Variants in PPARGC1A observed in about 807,000 individuals in gnomAD.
PPARGC1A encodes the protein peroxisome proliferator-activated receptor gamma coactivator 1-alpha.
Under a neutral mutation model 88.7 loss-of-function variants are expected in PPARGC1A, and 25 were observed. That is an observed-to-expected ratio of 0.28 (90% confidence interval 0.21 to 0.39). PPARGC1A has a LOEUF of 0.39. Ranked by LOEUF, PPARGC1A falls within the 10% of genes least tolerant of loss-of-function variation. PPARGC1A has a pLI of 1.00. For synonymous variants in PPARGC1A, 363 were observed against 355.6 expected, an observed-to-expected ratio of 1.02 and a Z score of -0.24; for missense variants, 880 against 968.7, an observed-to-expected ratio of 0.91 and a Z score of 1.22.
the PPARGC1A span, among the ~76,000 whole-genome samples, chr4:23,925,850 G>A: frequency 2.7e-4 from 39 of 144,682 alleles, no homozygotes; most frequent in African/African-American, 4.3e-4. Flanking sequence ...GAGAGAGAGA[G>A]AAAAAAATTT....
At chr4:24,440,147 C>T in the PPARGC1A span, among the ~76,000 whole-genome samples, 1 of 152,196 alleles carries the variant, frequency 6.6e-6, no homozygotes, top group Non-Finnish European at 1.5e-5. Flanking sequence ...TATTGTTGTT[C>T]TGAACTGTTA....
intron 2 of PPARGC1A, among the ~76,000 whole-genome samples, chr4:23,842,548 C>T (rs1051940282): frequency 6.6e-6 from 1 of 152,094 alleles, no homozygotes; most frequent in Non-Finnish European, 1.5e-5. Context: ...TTCTGGGCTG[C>T]AGCACTGTTG....
chr4:24,061,026 C>T, the PPARGC1A span, among the ~76,000 whole-genome samples: 1 of 151,728 alleles, frequency 6.6e-6, no homozygotes, highest in Admixed American at 6.6e-5. Context: ...CATTATTATC[C>T]TCATGGCATA....
At chr4:24,334,516 A>C in the PPARGC1A span, among the ~76,000 whole-genome samples, 1 of 152,202 alleles carries the variant, frequency 6.6e-6, no homozygotes, top group Non-Finnish European at 1.5e-5. Flanking sequence ...CACTTAGCAC[A>C]TGGTTGTGTT....
chr4:23,941,277 T>G, the PPARGC1A span, among the ~76,000 whole-genome samples: 1 of 152,214 alleles, frequency 6.6e-6, no homozygotes. Flanking sequence ...AGGCTGGTTT[T>G]GAACTCCTGG....
chr4:24,082,372 C>T, the PPARGC1A span, among the ~76,000 whole-genome samples: 171 of 152,164 alleles, frequency 1.1e-3, 2 homozygotes, highest in Middle Eastern at 3.4e-3. Context: ...GATCCTAGGA[C>T]GGCTTGATAA....
At chr4:23,990,438 G>T in the PPARGC1A span, among the ~76,000 whole-genome samples, 1 of 151,760 alleles carries the variant, frequency 6.6e-6, no homozygotes, top group Non-Finnish European at 1.5e-5. Context: ...CAGAACTAAG[G>T]CACATTAGGA....
intron 12 of PPARGC1A, among the ~76,000 whole-genome samples, chr4:23,799,416 A>G (rs1366024412): frequency 2.0e-5 from 3 of 152,210 alleles, no homozygotes; most frequent in African/African-American, 7.2e-5. Context: ...ATAACACTAT[A>G]TGGTATTTTA....
At chr4:24,143,491 C>T in the PPARGC1A span, among the ~76,000 whole-genome samples, 1 of 152,184 alleles carries the variant, frequency 6.6e-6, no homozygotes, top group East Asian at 1.9e-4. Context: ...AAGAGAAGAG[C>T]TGATCAAGCA....
the PPARGC1A span, among the ~76,000 whole-genome samples, chr4:23,962,438 G>A: frequency 6.6e-6 from 1 of 152,102 alleles, no homozygotes; most frequent in Non-Finnish European, 1.5e-5. Context: ...CTCACCACTT[G>A]CCTTTCCTCT....
the PPARGC1A span, among the ~76,000 whole-genome samples, chr4:24,461,227 C>T: frequency 2.0e-5 from 3 of 152,180 alleles, no homozygotes; most frequent in African/African-American, 4.8e-5. Flanking sequence ...CTGCCTAGGG[C>T]GGATTTTAAA....
At chr4:23,896,706 C>T (rs1360007216) in intron 1 of PPARGC1A, among the ~76,000 whole-genome samples, 2 of 151,964 alleles carry the variant, frequency 1.3e-5, no homozygotes, top group Admixed American at 1.3e-4. Context: ...CTTAATTAGC[C>T]CGGGTGGGGT....
the PPARGC1A span, among the ~76,000 whole-genome samples, chr4:23,996,285 G>C: frequency 6.6e-6 from 1 of 152,170 alleles, no homozygotes. Flanking sequence ...TGGAAATTGA[G>C]GAGTGGTCAT....
the PPARGC1A span, among the ~76,000 whole-genome samples, chr4:23,953,038 A>G: frequency 5.3e-5 from 8 of 152,164 alleles, no homozygotes; most frequent in East Asian, 3.9e-4. Flanking sequence ...AAAAGACATT[A>G]AAGTTTGCTA....
chr4:24,042,490 A>G, the PPARGC1A span, among the ~76,000 whole-genome samples: 1 of 152,242 alleles, frequency 6.6e-6, no homozygotes, highest in South Asian at 2.1e-4. Context: ...TTTAAAGTGT[A>G]CTGCATAATC....
chr4:24,402,987 A>G, the PPARGC1A span, among the ~76,000 whole-genome samples: 5 of 152,234 alleles, frequency 3.3e-5, no homozygotes, highest in Non-Finnish European at 5.9e-5. Flanking sequence ...TGAACGAGTG[A>G]AAATATTCGC....
chr4:23,884,369 T>G, intron 2 of PPARGC1A: 1 of 247,328 alleles, frequency 4.0e-6, no homozygotes, highest in Non-Finnish European at 7.6e-6. Flanking sequence ...AGAAAGGCCT[T>G]CTTATTTATT....
At chr4:24,100,420 A>G in the PPARGC1A span, among the ~76,000 whole-genome samples, 1 of 152,168 alleles carries the variant, frequency 6.6e-6, no homozygotes, top group African/African-American at 2.4e-5. Flanking sequence ...AAAATTCTGC[A>G]AGGATTTTTA....
At chr4:24,117,459 A>G in the PPARGC1A span, among the ~76,000 whole-genome samples, 2 of 152,018 alleles carry the variant, frequency 1.3e-5, no homozygotes, top group Non-Finnish European at 2.9e-5. Context: ...GACAACAACA[A>G]AAAAACTTCT....
Sources: allele counts gnomAD v4.1 joint callset (sites outside exome capture counted in the v4.1 genomes callset), GRCh38; gene constraint gnomAD v4.1.1; transcripts MANE v1.5; gene names NCBI Gene and HGNC (gene_info 2026-07-23, HGNC 2026-07-21).